SMIM24: variants seen among roughly 807,000 people sequenced by gnomAD.
The protein encoded by SMIM24 is MAP17-related dimer.
A neutral mutation model predicts 10.8 loss-of-function variants in SMIM24; 6 were observed. That is an observed-to-expected ratio of 0.55 (90% confidence interval 0.30 to 1.09). The LOEUF (loss-of-function observed/expected upper bound fraction) is 1.09, where lower values mean the gene tolerates loss of function less well. SMIM24 is among the 50% of genes least tolerant of loss of function. SMIM24 has a pLI of 0.06. For missense variants in SMIM24, 151 were observed against 153.4 expected, an observed-to-expected ratio of 0.98 and a Z score of 0.08; for synonymous variants, 71 against 62.4, an observed-to-expected ratio of 1.14 and a Z score of -0.65.
chr19:3,480,399 T>C lies in SMIM24; in HGVS notation c.65A>G (p.Gln22Arg), dbSNP rs1446142202. 8 of 1,332,768 alleles carry C rather than the reference T, an allele frequency of 6.0e-6. No homozygotes were observed. The highest frequency in any genetic ancestry group is 8.0e-6 in the Non-Finnish European group (8 of 1,002,706). The allele number at this position is 1,332,768 out of a possible 1,614,324, so 82.6% of individuals were successfully genotyped here. A position where few individuals can be genotyped will look rare whatever the true frequency, so the allele number is the denominator to read the frequency against. The change falls in exon 1 of 4, where the codon CAG becomes CGG. Residue 22 changes from glutamine to arginine, a missense_variant and splice_region_variant. Coordinates refer to ENST00000215531, the MANE Select transcript of SMIM24 (RefSeq NM_001136503.2). The part of the protein sequence containing the change: ...FLLLSPVEAQ[Q>R]ATEHRLKPWL... ...CCCTCCCGCCCCCCTGCACCTACCC[T>C]GCTGGGCCTCCACCGGGGAGAGGAG...
At position 3,480,501 on chromosome 19, in the gene SMIM24, C is replaced by T; in HGVS notation, c.-38G>A. 8 of 1,544,818 alleles carry T rather than the reference C, an allele frequency of 5.2e-6. No individual in the cohort carries two copies. The highest frequency in any genetic ancestry group is 7.0e-6 in the Non-Finnish European group (8 of 1,143,332). ...AGCCAGCAGCCAGCCAGCGGCGGTCCCGGGTCGGCGTCCACAGGTTTGGTG... is the reference window on the plus strand; with the variant it reads ...AGCCAGCAGCCAGCCAGCGGCGGTCTCGGGTCGGCGTCCACAGGTTTGGTG... On this transcript the variant is annotated 5_prime_UTR_variant, in exon 1 of 4. Transcript: ENST00000215531.
chr19:3,480,020 G>A (rs2082811405), intron 1 of SMIM24, among the ~76,000 whole-genome samples: 1 of 151,662 alleles, frequency 6.6e-6, no homozygotes, highest in South Asian at 2.1e-4. Context: ...AGGGGCTCGG[G>A]GAGGGGTTTA....
At chr19:3,475,460 G>A (rs531052506) in intron 3 of SMIM24, among the ~76,000 whole-genome samples, 1 of 151,830 alleles carries the variant, frequency 6.6e-6, no homozygotes, top group East Asian at 1.9e-4. Flanking sequence ...TGGGTGGATG[G>A]ATGATGGATG....
rs953532865 is a variant in SMIM24 at position 3,479,006 on chromosome 19, A to T, written c.68-77T>A. ...CCCTTCCCCCACCACCCTAGCAAGG[A>T]GAGAGAGAAGGTCACTGGGGGTGCT... On this transcript the variant is annotated intron_variant, in intron 1 of 3. Transcript: ENST00000215531. The T allele has an allele frequency of 5.9e-6, 7 of 1,179,502 alleles. No individual in the cohort carries two copies. The Admixed American group carries it at 1.3e-4, about 22-fold the overall frequency. The allele number at this position is 1,179,502 out of a possible 1,614,324, so 73.1% of individuals were successfully genotyped here. A position where few individuals can be genotyped will look rare whatever the true frequency, so the allele number is the denominator to read the frequency against.
intron 1 of SMIM24, among the ~76,000 whole-genome samples, chr19:3,480,108 C>G (rs115058177): frequency 6.8e-6 from 1 of 146,700 alleles, no homozygotes; most frequent in African/African-American, 2.6e-5. Context: ...AAAGGAGGCC[C>G]GAGCTCAGAG....
At chr19:3,478,375 G>C (rs548518838) in intron 3 of SMIM24, 44 bp downstream of exon 3, 24 of 1,510,428 alleles carry the variant, frequency 1.6e-5, no homozygotes, top group Non-Finnish European at 2.1e-5. Context: ...CCCCCACCCC[G>C]AGGAGGGGTT....
chr19:3,474,481 G>A lies in SMIM24; in HGVS notation c.*362C>T, dbSNP rs56297958. ...CAGCTGGCAGTGGGTGCATGGGAGAGGGGAAGTTCTGTTCAGTAGACATCA... is the reference window on the plus strand; with the variant it reads ...CAGCTGGCAGTGGGTGCATGGGAGAAGGGAAGTTCTGTTCAGTAGACATCA... On this transcript the variant is annotated 3_prime_UTR_variant, in exon 4 of 4. Coordinates refer to ENST00000215531, the MANE Select transcript of SMIM24 (RefSeq NM_001136503.2). 0.077 allele frequency: 17,496 copies of A among 228,168 alleles called. 861 individuals are homozygous for A. Among genetic ancestry groups the A allele is most frequent in the Middle Eastern group, 0.13 (78 of 586 alleles). The allele number at this position is 228,168 out of a possible 1,614,324, so 14.1% of individuals were successfully genotyped here. A position where few individuals can be genotyped will look rare whatever the true frequency, so the allele number is the denominator to read the frequency against.
Position 3,480,491 on chromosome 19 carries a change from A to G in SMIM24, c.-28T>C. 2 of 1,547,010 alleles carry G rather than the reference A, an allele frequency of 1.3e-6. No homozygotes were observed. Among genetic ancestry groups the G allele is most frequent in the Non-Finnish European group, 1.7e-6 (2 of 1,145,174 alleles). ...CGGTCGAGTGAGCCAGCAGCCAGCC[A>G]GCGGCGGTCCCGGGTCGGCGTCCAC... is the stretch of plus-strand genomic sequence containing the variant. On this transcript the variant is annotated 5_prime_UTR_variant, in exon 1 of 4. Coordinates refer to ENST00000215531, the MANE Select transcript of SMIM24 (RefSeq NM_001136503.2).
At chr19:3,475,289 G>A (rs1436068269) in intron 3 of SMIM24, among the ~76,000 whole-genome samples, 1 of 152,116 alleles carries the variant, frequency 6.6e-6, no homozygotes, top group African/African-American at 2.4e-5. Flanking sequence ...TGCTTTTGAG[G>A]CTGGGTGCAG....
intron 3 of SMIM24, among the ~76,000 whole-genome samples, chr19:3,477,474 A>G (rs1219800387): frequency 1.6e-5 from 2 of 124,434 alleles, no homozygotes; most frequent in Non-Finnish European, 3.3e-5. Context: ...ATGGGTGATG[A>G]ATGGATGATG....
Position 3,478,808 on chromosome 19 carries a change from G to A in SMIM24, c.179+10C>T, listed in dbSNP as rs1045122213. On this transcript the variant is annotated intron_variant, in intron 2 of 3. Coordinates refer to ENST00000215531, the MANE Select transcript of SMIM24 (RefSeq NM_001136503.2). ...GCTGTGGGGGCAGCGGGGTGGGGGC[G>A]GGCACCCACCTGGCCTTGGAACACC... 3.3e-6 allele frequency: 5 copies of A among 1,536,004 alleles called. No individual in the cohort carries two copies. The highest frequency in any genetic ancestry group is 2.5e-5 in the East Asian group (1 of 40,734).
chr19:3,480,342 T>C (rs963536204), intron 1 of SMIM24, 55 bp downstream of exon 1: 3 of 1,400,252 alleles, frequency 2.1e-6, no homozygotes, highest in Non-Finnish European at 2.9e-6. Context: ...GAGATGGTGA[T>C]CACCTGACCA....
chr19:3,475,126 C>A, intron 3 of SMIM24, 130 bp from the exon 4 acceptor site: 1 of 1,095,262 alleles, frequency 9.1e-7, no homozygotes, highest in Non-Finnish European at 1.3e-6. Context: ...CAAAATAACC[C>A]TAACTACGCG....
chr19:3,479,062 G>T, intron 1 of SMIM24, 133 bp from the exon 2 acceptor site: 1 of 688,418 alleles, frequency 1.5e-6, no homozygotes, highest in East Asian at 2.8e-5. Context: ...AAGGGACGGA[G>T]CTTCAGAGAC....
intron 1 of SMIM24, 28 bp from the exon 2 acceptor site, chr19:3,478,957 A>T: frequency 2.6e-6 from 4 of 1,535,140 alleles, no homozygotes; most frequent in Non-Finnish European, 3.5e-6. Context: ...GGTTCGACTC[A>T]GAGGAAGAAA....
chr19:3,477,818 G>GA (rs1015456136), intron 3 of SMIM24, among the ~76,000 whole-genome samples: 4 of 150,238 alleles, frequency 2.7e-5, no homozygotes, highest in Non-Finnish European at 5.9e-5. Flanking sequence ...ATGGATGGTG[G>GA]GTGAGTGGGT....
chr19:3,474,803 CA>C lies in SMIM24; in HGVS notation c.*39del, dbSNP rs780502491. 5.2e-6 allele frequency: 8 copies of C among 1,540,374 alleles called. No homozygotes were observed. Among genetic ancestry groups the C allele is most frequent in the Non-Finnish European group, 3.5e-6 (4 of 1,143,132 alleles). On this transcript the variant is annotated 3_prime_UTR_variant, in exon 4 of 4. Coordinates refer to ENST00000215531, the MANE Select transcript of SMIM24 (RefSeq NM_001136503.2). ...CACTGCTTTTAGGGGGCAGAAGAGG[CA>C]TCTCTGGGGGACTGCCTGGAAGAGG...
intron 2 of SMIM24, 113 bp downstream of exon 2, chr19:3,478,705 G>C (rs2082803657): frequency 1.1e-6 from 1 of 924,972 alleles, no homozygotes; most frequent in Non-Finnish European, 1.6e-6. Flanking sequence ...GGAGCAGCAG[G>C]GAAATGGGAG....
chr19:3,475,993 A>G (rs1386512797), intron 3 of SMIM24, among the ~76,000 whole-genome samples: 1 of 151,950 alleles, frequency 6.6e-6, no homozygotes. Flanking sequence ...ATAAATGAAT[A>G]CATTGCAGGA....
Sources: gnomAD v4.1 joint callset for allele counts (sites outside exome capture counted in the v4.1 genomes callset) on GRCh38, gnomAD v4.1.1 for gene constraint, MANE v1.5 for transcripts, NCBI Gene and HGNC (gene_info 2026-07-23, HGNC 2026-07-21) for gene names.